Variants in CTIF observed in about 807,000 individuals in gnomAD.
CTIF encodes the protein cap binding complex dependent translation initiation factor, also known as CBP80/20-dependent translation initiation factor.
In CTIF, 21 loss-of-function variants were observed where a neutral mutation model predicts 66.0. The ratio of observed to expected loss-of-function variants is 0.32; its 90% confidence interval spans 0.23 to 0.46. The LOEUF (loss-of-function observed/expected upper bound fraction) is 0.46, where lower values mean the gene tolerates loss of function less well. CTIF is among the 20% of genes least tolerant of loss of function. The probability of loss-of-function intolerance (pLI) is 1.00; values close to 1 mark genes in which losing one functional copy is unlikely to be tolerated. For missense variants in CTIF, 739 were observed against 812.7 expected (o/e 0.91, Z 1.10); for synonymous variants, 345 against 326.4 (o/e 1.06, Z -0.62).
intron 7 of CTIF, among the ~76,000 whole-genome samples, chr18:48,723,362 T>A (rs1192839525): frequency 6.6e-6 from 1 of 152,180 alleles, no homozygotes. Context: ...AATGAATGAA[T>A]GATGAGATTT....
intron 6 of CTIF, among the ~76,000 whole-genome samples, chr18:48,681,100 G>A (rs989577774): frequency 3.3e-5 from 5 of 152,214 alleles, no homozygotes; most frequent in East Asian, 1.9e-4. Context: ...GCATTGCAGC[G>A]GCCAGGCAGG....
intron 9 of CTIF, among the ~76,000 whole-genome samples, chr18:48,808,554 A>G (rs2068198481): frequency 8.1e-6 from 1 of 124,112 alleles, no homozygotes; most frequent in Non-Finnish European, 1.7e-5. Context: ...TCTTTATTCC[A>G]TCTGGAATTT....
chr18:48,772,380 G>C (rs542213224), intron 9 of CTIF, among the ~76,000 whole-genome samples: 6 of 149,298 alleles, frequency 4.0e-5, no homozygotes, highest in African/African-American at 9.8e-5. Context: ...GCAGTACCCC[G>C]CATACCTACA....
chr18:48,648,452 G>A (rs2091091720), intron 3 of CTIF, among the ~76,000 whole-genome samples: 1 of 125,106 alleles, frequency 8.0e-6, no homozygotes, highest in African/African-American at 2.6e-5. Context: ...TGTCTGGGGT[G>A]CCGTCCTTCG....
intron 1 of CTIF, among the ~76,000 whole-genome samples, chr18:48,563,336 T>G (rs2089206265): frequency 6.6e-6 from 1 of 152,222 alleles, no homozygotes; most frequent in Non-Finnish European, 1.5e-5. Context: ...AAGGTGACTT[T>G]TGTATTCATC....
intron 9 of CTIF, among the ~76,000 whole-genome samples, chr18:48,765,003 G>A (rs1487282090): frequency 6.6e-6 from 1 of 152,192 alleles, no homozygotes; most frequent in African/African-American, 2.4e-5. Flanking sequence ...CTCAGGCCCT[G>A]TGCCTTCTCT....
At chr18:48,821,177 C>T (rs2068476388) in intron 10 of CTIF, among the ~76,000 whole-genome samples, 1 of 152,242 alleles carries the variant, frequency 6.6e-6, no homozygotes, top group Non-Finnish European at 1.5e-5. Flanking sequence ...AGCACACCAA[C>T]AGCTTCCTCC....
At chr18:48,686,537 T>A (rs1598869833) in intron 6 of CTIF, among the ~76,000 whole-genome samples, 2 of 89,238 alleles carry the variant, frequency 2.2e-5, no homozygotes, top group South Asian at 7.7e-4. Flanking sequence ...GGTTCTCACG[T>A]TTTTTTACTC....
intron 1 of CTIF, among the ~76,000 whole-genome samples, chr18:48,611,090 C>T (rs1250306063): frequency 6.6e-6 from 1 of 152,174 alleles, no homozygotes; most frequent in Non-Finnish European, 1.5e-5. Context: ...CTGGCTCTAC[C>T]CATAGATACC....
At chr18:48,844,742 T>C (rs760214751) in intron 10 of CTIF, among the ~76,000 whole-genome samples, 1 of 152,212 alleles carries the variant, frequency 6.6e-6, no homozygotes, top group Non-Finnish European at 1.5e-5. Flanking sequence ...TCCCCTCTGC[T>C]GAAGGTGTCT....
At chr18:48,796,273 A>G (rs1010086726) in intron 9 of CTIF, among the ~76,000 whole-genome samples, 18 of 152,298 alleles carry the variant, frequency 1.2e-4, no homozygotes, top group South Asian at 6.2e-4. Context: ...TCCCGGGTTC[A>G]TGCCATTCTC....
At chr18:48,692,801 A>C (rs2091949588) in intron 6 of CTIF, 1 of 152,226 alleles carries the variant, frequency 6.6e-6, no homozygotes, top group South Asian at 2.1e-4. Flanking sequence ...CTAGTCTTCC[A>C]TCCCTAGACA....
intron 1 of CTIF, among the ~76,000 whole-genome samples, chr18:48,597,940 A>C (rs915564951): frequency 3.9e-5 from 6 of 152,220 alleles, no homozygotes; most frequent in African/African-American, 1.4e-4. Flanking sequence ...CCCAGTGGCC[A>C]GTGCAGGGGA....
intron 1 of CTIF, chr18:48,566,932 C>T (rs1053687008): frequency 2.0e-5 from 3 of 152,186 alleles, no homozygotes; most frequent in Non-Finnish European, 4.4e-5. Flanking sequence ...GCCTGTCTAA[C>T]AGACTGTGGA....
At chr18:48,617,663 C>A (rs563846695) in intron 1 of CTIF, among the ~76,000 whole-genome samples, 26 of 152,308 alleles carry the variant, frequency 1.7e-4, no homozygotes, top group Admixed American at 9.1e-4. Flanking sequence ...TGGACAGTAC[C>A]TCCCATGCCC....
intron 3 of CTIF, among the ~76,000 whole-genome samples, chr18:48,646,527 G>A (rs2091034569): frequency 6.6e-6 from 1 of 151,730 alleles, no homozygotes; most frequent in Non-Finnish European, 1.5e-5. Context: ...CGGGTGGATT[G>A]CCTAAGGCCA....
At chr18:48,690,150 C>T (rs1352853966) in intron 6 of CTIF, among the ~76,000 whole-genome samples, 1 of 152,096 alleles carries the variant, frequency 6.6e-6, no homozygotes, top group African/African-American at 2.4e-5. Context: ...CACTCTCTCC[C>T]CCATCTCCAC....
At chr18:48,742,972 G>T (rs1266807283) in intron 7 of CTIF, among the ~76,000 whole-genome samples, 1 of 152,146 alleles carries the variant, frequency 6.6e-6, no homozygotes, top group Non-Finnish European at 1.5e-5. Context: ...TGGTGGTTTT[G>T]CCCATTACAC....
chr18:48,576,670 G>A (rs1353059001), intron 1 of CTIF, among the ~76,000 whole-genome samples: 1 of 152,204 alleles, frequency 6.6e-6, no homozygotes, highest in South Asian at 2.1e-4. Context: ...ATGAAACAAG[G>A]TTCCATGGTG....
Sources: allele counts gnomAD v4.1 joint callset (sites outside exome capture counted in the v4.1 genomes callset), GRCh38; gene constraint gnomAD v4.1.1; transcripts MANE v1.5; gene names NCBI Gene and HGNC (gene_info 2026-07-23, HGNC 2026-07-21).